MSI2: variants seen among roughly 807,000 people sequenced by gnomAD.
MSI2 encodes the protein RNA-binding protein Musashi homolog 2.
MSI2 carries 17 observed loss-of-function variants against 45.6 expected under a neutral mutation model. The observed-to-expected ratio is 0.37, with a 90% confidence interval of 0.26 to 0.56. The LOEUF (loss-of-function observed/expected upper bound fraction) is 0.56, where lower values mean the gene tolerates loss of function less well. MSI2 is among the 20% of genes least tolerant of loss of function. The pLI is 0.77. For synonymous variants in MSI2, 156 were observed against 158.2 expected (o/e 0.99, Z 0.11); for missense variants, 293 against 444.2 (o/e 0.66, Z 3.06).
At position 57,276,772 on chromosome 17, in the gene MSI2, C is replaced by T. The variant is rs550552388; in HGVS notation, c.312+14580C>T. 3.9e-5 allele frequency among the ~76,000 whole-genome samples: 6 copies of T among 152,198 alleles called. No individual in the cohort carries two copies. The East Asian group carries it at 7.7e-4, about 20-fold the overall frequency. Reference sequence around the variant, plus strand: ...TTTCCTTGGTTTCCAAATTGGGTGACGCTAGAATTTCTCTGAGGCAAGTCC... The same window carrying T: ...TTTCCTTGGTTTCCAAATTGGGTGATGCTAGAATTTCTCTGAGGCAAGTCC... On this transcript the variant is annotated intron_variant, in intron 5 of 13. Coordinates refer to ENST00000284073, the MANE Select transcript of MSI2 (RefSeq NM_138962.4).
intron 7 of MSI2, among the ~76,000 whole-genome samples, chr17:57,586,254 C>T (rs766418497): frequency 1.6e-4 from 25 of 152,292 alleles, no homozygotes; most frequent in Admixed American, 4.6e-4. Context: ...GGATGAGACA[C>T]CCTTTCCCTG....
chr17:57,412,154 C>T (rs1171873798), intron 6 of MSI2, among the ~76,000 whole-genome samples: 2 of 151,970 alleles, frequency 1.3e-5, no homozygotes, highest in Non-Finnish European at 2.9e-5. Flanking sequence ...TCTCCTGCCT[C>T]AGCTTCCTAA....
At chr17:57,276,450 A>G (rs1908854580) in intron 5 of MSI2, among the ~76,000 whole-genome samples, 2 of 152,244 alleles carry the variant, frequency 1.3e-5, no homozygotes, top group South Asian at 4.1e-4. Flanking sequence ...TTGATGAGGT[A>G]GCTTCAACTG....
At chr17:57,386,677 G>T (rs372822520) in intron 5 of MSI2, among the ~76,000 whole-genome samples, 1 of 151,958 alleles carries the variant, frequency 6.6e-6, no homozygotes, top group Admixed American at 6.6e-5. Flanking sequence ...CATTGACCAC[G>T]ACCCTCCCTT....
At chr17:57,493,013 G>A (rs2085906783) in intron 6 of MSI2, among the ~76,000 whole-genome samples, 1 of 152,168 alleles carries the variant, frequency 6.6e-6, no homozygotes, top group South Asian at 2.1e-4. Flanking sequence ...ATGGGGTAGG[G>A]AAATGAAGCC....
rs913620339 is a variant in MSI2, at chr17:57,649,845, G to A, written c.728-2254G>A. The stretch of plus-strand genomic sequence containing the variant: ...CCCTTCCCTACCAGGAGGCTCCCAA[G>A]GGGCTAGGCCAGGTTTTGGCAAGGC... On this transcript the variant is annotated intron_variant, in intron 10 of 13. Transcript: ENST00000284073. 2.0e-5 allele frequency among the ~76,000 whole-genome samples: 3 copies of A among 152,252 alleles called. No homozygotes were observed. In the East Asian group the frequency reaches 5.8e-4, roughly 29 times the overall value.
chr17:57,411,843 C>T (rs2084202661), intron 6 of MSI2, among the ~76,000 whole-genome samples: 1 of 151,930 alleles, frequency 6.6e-6, no homozygotes, highest in Non-Finnish European at 1.5e-5. Context: ...CCTGTCTCTA[C>T]TAAAAATACA....
At chr17:57,382,252 G>A (rs1272953767) in intron 5 of MSI2, among the ~76,000 whole-genome samples, 3 of 152,206 alleles carry the variant, frequency 2.0e-5, no homozygotes, top group African/African-American at 7.2e-5. Context: ...CTTTCTGGTA[G>A]GAGGGGGACA....
chr17:57,401,552 C>T (rs1317625382), intron 6 of MSI2, 81 bp downstream of exon 6: 2 of 1,049,572 alleles, frequency 1.9e-6, no homozygotes, highest in Non-Finnish European at 3.0e-6. Flanking sequence ...GGCCCCCGCC[C>T]CTGCTACAGC....
intron 8 of MSI2, among the ~76,000 whole-genome samples, chr17:57,613,161 C>A (rs117118241): frequency 6.6e-6 from 1 of 152,302 alleles, no homozygotes; most frequent in East Asian, 1.9e-4. Flanking sequence ...TGTTGCTTAG[C>A]AGAAAGCTTA....
intron 5 of MSI2, among the ~76,000 whole-genome samples, chr17:57,361,404 A>G (rs373033567): frequency 6.6e-6 from 1 of 152,046 alleles, no homozygotes. Context: ...AGTTCGAGAC[A>G]GCCTGGATAA....
chr17:57,699,564 C>T, the MSI2 span, among the ~76,000 whole-genome samples: 1 of 152,114 alleles, frequency 6.6e-6, no homozygotes, highest in African/African-American at 2.4e-5. Context: ...ATACCCTTTC[C>T]CTCAAGATTC....
At chr17:57,428,030 A>G (rs2084526737) in intron 6 of MSI2, among the ~76,000 whole-genome samples, 2 of 152,328 alleles carry the variant, frequency 1.3e-5, no homozygotes, top group East Asian at 3.9e-4. Flanking sequence ...CAGCAGGAAA[A>G]CAGGGTGATA....
chr17:57,584,725 G>T (rs1179722723), intron 7 of MSI2, among the ~76,000 whole-genome samples: 1 of 151,982 alleles, frequency 6.6e-6, no homozygotes, highest in Non-Finnish European at 1.5e-5. Flanking sequence ...GCACCAGGGC[G>T]GGGGGCCAGC....
At chr17:57,453,393 C>A (rs1487943367) in intron 6 of MSI2, among the ~76,000 whole-genome samples, 1 of 152,182 alleles carries the variant, frequency 6.6e-6, no homozygotes. Context: ...GAGGCTTGCT[C>A]TCCCTTCTCT....
chr17:57,431,525 T>G (rs991083411), intron 6 of MSI2, among the ~76,000 whole-genome samples: 1 of 152,088 alleles, frequency 6.6e-6, no homozygotes, highest in African/African-American at 2.4e-5. Flanking sequence ...CGGCATGTCT[T>G]TTATATAACC....
At chr17:57,332,173 T>G (rs1180935176) in intron 5 of MSI2, among the ~76,000 whole-genome samples, 1 of 151,500 alleles carries the variant, frequency 6.6e-6, no homozygotes, top group East Asian at 1.9e-4. Flanking sequence ...TGATCTTGGC[T>G]CACTGCAACC....
intron 6 of MSI2, among the ~76,000 whole-genome samples, chr17:57,500,964 A>G (rs968898669): frequency 3.5e-5 from 5 of 144,910 alleles, no homozygotes; most frequent in African/African-American, 1.3e-4. Context: ...CCCTGTCTTG[A>G]AAAAAAAAAA....
intron 6 of MSI2, among the ~76,000 whole-genome samples, chr17:57,517,550 AG>A (rs528167566): frequency 2.2e-4 from 33 of 152,174 alleles, no homozygotes; most frequent in Non-Finnish European, 4.1e-4. Context: ...GTCTTGGAGA[AG>A]GGATTCCTGT....
Sources: gnomAD v4.1 joint callset for allele counts (sites outside exome capture counted in the v4.1 genomes callset) on GRCh38, gnomAD v4.1.1 for gene constraint, MANE v1.5 for transcripts, NCBI Gene and HGNC (gene_info 2026-07-23, HGNC 2026-07-21) for gene names.